TAB2: variants seen among roughly 807,000 people sequenced by gnomAD.
TAB2 encodes TGF-beta-activated kinase 1 and MAP3K7-binding protein 2.
In TAB2, 3 loss-of-function variants were observed where a neutral mutation model predicts 65.0. The observed-to-expected ratio is 0.05, with a 90% confidence interval of 0.02 to 0.12. The LOEUF is 0.12. Among genes scored for constraint, TAB2 ranks in the 10% least tolerant of loss-of-function variants. The pLI, the probability that TAB2 is intolerant of heterozygous loss-of-function variation, is 1.00. For synonymous variants in TAB2, 298 were observed against 285.1 expected, an observed-to-expected ratio of 1.05 and a Z score of -0.46; for missense variants, 623 against 840.3, an observed-to-expected ratio of 0.74 and a Z score of 3.20.
intron 1 of TAB2, chr6:149,230,221 A>C (rs1777375301): frequency 6.6e-6 from 1 of 152,186 alleles, no homozygotes; most frequent in Admixed American, 6.5e-5. Context: ...TCCTGCAATA[A>C]TGTTTGCAAT....
chr6:149,373,506 G>A (rs902968770), intron 2 of TAB2, among the ~76,000 whole-genome samples: 1 of 150,456 alleles, frequency 6.6e-6, no homozygotes, highest in Non-Finnish European at 1.5e-5. Flanking sequence ...ACTAGACTGA[G>A]ATTCTTGCGA....
At chr6:149,220,280 A>G (rs1777113890) in intron 1 of TAB2, among the ~76,000 whole-genome samples, 1 of 152,230 alleles carries the variant, frequency 6.6e-6, no homozygotes, top group African/African-American at 2.4e-5. Flanking sequence ...TCCTTCTTTA[A>G]TGCCATTCAA....
At chr6:149,361,001 G>A (rs1478906167) in intron 1 of TAB2, among the ~76,000 whole-genome samples, 1 of 152,210 alleles carries the variant, frequency 6.6e-6, no homozygotes, top group Admixed American at 6.5e-5. Flanking sequence ...GCCTGTGTCT[G>A]CAGGGTTCAG....
Position 149,399,162 on chromosome 6 carries a change from T to C in TAB2, c.1917T>C (p.Gly639=). The change falls in exon 6 of 7, where the codon GGT becomes GGC. Residue 639 remains glycine, a synonymous_variant. Coordinates refer to ENST00000637181, the MANE Select transcript of TAB2 (RefSeq NM_001292034.3). The stretch of plus-strand genomic sequence containing the variant: ...TTTATGACAATATTGGATTTGTAGG[T>C]CCTGTGCCACCAAAACCCAAAGGTT... The part of the protein sequence containing the change: ...HNFYDNIGFV[G]PVPPKPKDQR... 1 of 1,613,626 alleles carries C rather than the reference T, an allele frequency of 6.2e-7. No homozygotes were observed. Among genetic ancestry groups the C allele is most frequent in the Non-Finnish European group, 8.5e-7 (1 of 1,179,676 alleles).
chr6:149,381,800 T>A (rs1405380087), intron 3 of TAB2, among the ~76,000 whole-genome samples: 2 of 151,970 alleles, frequency 1.3e-5, no homozygotes, highest in Non-Finnish European at 2.9e-5. Context: ...CTTGAACCCC[T>A]GGGCTCAAGA....
intron 1 of TAB2, among the ~76,000 whole-genome samples, chr6:149,308,217 A>C (rs496091): frequency 0.39 from 59,646 of 151,966 alleles, 12,821 homozygotes; most frequent in African/African-American, 0.58. Context: ...CTAGTTATTT[A>C]TTCCTAGGAG....
Position 149,277,655 on chromosome 6 carries a change from T to C in TAB2, c.-121+58879T>C, listed in dbSNP as rs1778500862. 2.6e-5 allele frequency among the ~76,000 whole-genome samples: 4 copies of C among 152,162 alleles called. No homozygotes were observed. The South Asian group carries it at 8.3e-4, about 31-fold the overall frequency. On this transcript the variant is annotated intron_variant, in intron 1 of 1. Transcript: ENST00000606202. ...ATATTAGAACTACATAAATAGGTAC[T>C]ATAATACCTATTCAAAAAATCAAAT...
intron 1 of TAB2, among the ~76,000 whole-genome samples, chr6:149,310,512 A>T (rs942171861): frequency 6.6e-6 from 1 of 152,018 alleles, no homozygotes; most frequent in Non-Finnish European, 1.5e-5. Flanking sequence ...ATTTCTGAGT[A>T]GTTTGTCTAA....
intron 1 of TAB2, among the ~76,000 whole-genome samples, chr6:149,240,002 C>T (rs1001292201): frequency 1.3e-5 from 2 of 151,890 alleles, no homozygotes; most frequent in South Asian, 2.1e-4. Context: ...CAGCAGATGG[C>T]AGAGCTATGG....
Position 149,352,129 on chromosome 6 carries a change from GT to G in TAB2, c.-89-17778del, listed in dbSNP as rs369617195. Among the ~76,000 whole-genome samples the G allele has an allele frequency of 7.1e-4, 108 of 152,258 alleles. 2 individuals are homozygous for G. The East Asian group carries it at 0.019, about 27-fold the overall frequency. On this transcript the variant is annotated intron_variant, in intron 1 of 6. Coordinates refer to ENST00000637181, the MANE Select transcript of TAB2 (RefSeq NM_001292034.3). ...GTAGTTTATGTGAGATACATTACTAGTTATTCCTTTTATTTTTAAAAGTTAG... is the reference window on the plus strand; with the variant it reads ...GTAGTTTATGTGAGATACATTACTAGTATTCCTTTTATTTTTAAAAGTTAG...
At chr6:149,260,264 G>C (rs573453373) in intron 1 of TAB2, among the ~76,000 whole-genome samples, 10 of 152,210 alleles carry the variant, frequency 6.6e-5, no homozygotes, top group Non-Finnish European at 1.5e-4. Context: ...GCAGGTAGCT[G>C]GCCAGGTGAC....
intron 1 of TAB2, among the ~76,000 whole-genome samples, chr6:149,343,818 A>C (rs1034375894): frequency 2.6e-5 from 4 of 152,212 alleles, no homozygotes; most frequent in African/African-American, 9.6e-5. Flanking sequence ...CAATATATAT[A>C]GATGTAGAAA....
intron 1 of TAB2, among the ~76,000 whole-genome samples, chr6:149,325,238 G>A (rs949635388): frequency 2.6e-5 from 4 of 152,150 alleles, no homozygotes; most frequent in Admixed American, 6.6e-5. Flanking sequence ...GAGCCAAGGA[G>A]TTTTCTTCAG....
At chr6:149,341,855 G>C (rs6942381) in intron 1 of TAB2, among the ~76,000 whole-genome samples, 70,487 of 151,668 alleles carry the variant, frequency 0.46, 16,774 homozygotes, top group Middle Eastern at 0.61. Context: ...TATTTATTTT[G>C]ACTCCTGTGG....
intron 2 of TAB2, among the ~76,000 whole-genome samples, chr6:149,374,596 A>G (rs1468827353): frequency 1.3e-5 from 2 of 152,236 alleles, no homozygotes; most frequent in Non-Finnish European, 2.9e-5. Flanking sequence ...AGCAGTGATC[A>G]TCAATAGCTG....
chr6:149,225,666 G>A (rs948232638), intron 1 of TAB2, among the ~76,000 whole-genome samples: 44 of 152,170 alleles, frequency 2.9e-4, no homozygotes, highest in African/African-American at 1.0e-3. Context: ...GCCAATGATA[G>A]GGGACACAAT....
chr6:149,249,660 G>C (rs1777819783), intron 1 of TAB2, among the ~76,000 whole-genome samples: 1 of 151,734 alleles, frequency 6.6e-6, no homozygotes, highest in Non-Finnish European at 1.5e-5. Flanking sequence ...GTGTCTGTCT[G>C]TCTCTCTCTC....
At chr6:149,270,306 T>A (rs1266717230) in intron 1 of TAB2, among the ~76,000 whole-genome samples, 2 of 152,196 alleles carry the variant, frequency 1.3e-5, no homozygotes, top group African/African-American at 4.8e-5. Flanking sequence ...TTCCTATTAT[T>A]GAGTTTTGAG....
At chr6:149,264,724 C>A (rs1272232389) in intron 1 of TAB2, among the ~76,000 whole-genome samples, 2 of 152,204 alleles carry the variant, frequency 1.3e-5, no homozygotes, top group South Asian at 2.1e-4. Flanking sequence ...ACATCAACAT[C>A]AGTGACCCTG....
Sources: allele counts gnomAD v4.1 joint callset (sites outside exome capture counted in the v4.1 genomes callset), GRCh38; gene constraint gnomAD v4.1.1; transcripts MANE v1.5; gene names NCBI Gene and HGNC (gene_info 2026-07-23, HGNC 2026-07-21).